Variants in PRSS38 observed in about 807,000 individuals in gnomAD.
The protein encoded by PRSS38 is marapsin 2.
Under a neutral mutation model 26.8 loss-of-function variants are expected in PRSS38, and 22 were observed. That is an observed-to-expected ratio of 0.82 (90% CI 0.59 to 1.17). The LOEUF (loss-of-function observed/expected upper bound fraction) is 1.17. Among genes scored for constraint, PRSS38 ranks in the 50% most tolerant of loss-of-function variants. PRSS38 has a pLI of 0.00. For missense variants in PRSS38, 427 were observed against 422.7 expected (o/e 1.01, Z -0.09); for synonymous variants, 175 against 172.1 (o/e 1.02, Z -0.13).
intron 3 of PRSS38, among the ~76,000 whole-genome samples, chr1:227,825,274 C>T (rs1253838883): frequency 6.6e-6 from 1 of 152,176 alleles, no homozygotes; most frequent in Non-Finnish European, 1.5e-5. Flanking sequence ...TCACTGCAAC[C>T]TCCAACTCCC....
intron 3 of PRSS38, among the ~76,000 whole-genome samples, chr1:227,838,374 C>T (rs1444937276): frequency 1.3e-5 from 2 of 152,222 alleles, no homozygotes; most frequent in African/African-American, 4.8e-5. Flanking sequence ...CCCGCTGGGC[C>T]TGTGGTGCTG....
Position 227,845,463 on chromosome 1 carries a change from C to G in PRSS38, c.584-7C>G. The G allele has an allele frequency of 6.2e-7, 1 of 1,607,000 alleles. No individual in the cohort carries two copies. The highest frequency in any genetic ancestry group is 8.5e-7 in the Non-Finnish European group (1 of 1,178,018). On this transcript the variant is annotated splice_region_variant and splice_polypyrimidine_tract_variant and intron_variant, in intron 3 of 4. Coordinates refer to ENST00000366757, the Ensembl canonical transcript of PRSS38. ...GCTGCCCCCTCACGGGAGCCCTCCT[C>G]CCACAGGTGAGACCTCAGACGAGCT... is the stretch of plus-strand genomic sequence containing the variant.
chr1:227,844,672 G>T (rs1237401349), intron 3 of PRSS38, among the ~76,000 whole-genome samples: 2 of 138,102 alleles, frequency 1.4e-5, no homozygotes, highest in Admixed American at 1.4e-4. Flanking sequence ...TCCTCCCTAT[G>T]TGTGGTCAGG....
Position 227,834,844 on chromosome 1 carries a change from T to G in PRSS38, c.584-10626T>G, listed in dbSNP as rs117999946. ...CCTAAATTGTCTCAAAAAAAATTGATAAATTGGGCTTCATTGAAATTAAAA... is the reference window on the plus strand; with the variant it reads ...CCTAAATTGTCTCAAAAAAAATTGAGAAATTGGGCTTCATTGAAATTAAAA... On this transcript the variant is annotated intron_variant, in intron 3 of 4. Coordinates refer to ENST00000366757, the Ensembl canonical transcript of PRSS38. Among the ~76,000 whole-genome samples the G allele has an allele frequency of 4.6e-3, 701 of 152,238 alleles. 12 individuals carry two copies. In the South Asian group the frequency reaches 0.058, roughly 13 times the overall value.
In PRSS38 at chr1:227,815,798, C is replaced by T. The variant is rs746007347; in HGVS notation, c.82C>T (p.Pro28Ser). ...GCTGCTGCTCCTGGTGGTGGCCCCT[C>T]CCCGGGTCGCAGCATTGGTCCACAG... The change falls in exon 1 of 5, where the codon CCC becomes TCC. Residue 28 changes from proline to serine, a missense_variant. Transcript: ENST00000366757. 3.1e-6 allele frequency: 5 copies of T among 1,612,320 alleles called. No homozygotes were observed. The highest frequency in any genetic ancestry group is 4.2e-6 in the Non-Finnish European group (5 of 1,179,082).
At chr1:227,835,883 G>A (rs958481039) in intron 3 of PRSS38, among the ~76,000 whole-genome samples, 2 of 152,160 alleles carry the variant, frequency 1.3e-5, no homozygotes, top group African/African-American at 4.8e-5. Flanking sequence ...TGTACTAAAT[G>A]CCACTGATTT....
exon 5 of PRSS38, chr1:227,846,088 G>C: frequency 6.2e-7 from 1 of 1,614,194 alleles, no homozygotes; most frequent in Non-Finnish European, 8.5e-7. Flanking sequence ...TCTCAAAATG[G>C]ATATGTGATA....
At chr1:227,845,865 C>T (rs1665422431) in intron 4 of PRSS38, 89 bp from the exon 5 acceptor site, 2 of 1,539,438 alleles carry the variant, frequency 1.3e-6, no homozygotes, top group Admixed American at 3.5e-5. Context: ...AGGGTCTGCA[C>T]AGCCACCCCC....
chr1:227,817,774 C>A (rs1321047074), intron 3 of PRSS38, among the ~76,000 whole-genome samples: 2 of 152,226 alleles, frequency 1.3e-5, no homozygotes. Flanking sequence ...ATTTAGAAAT[C>A]TCTTTTAGCT....
rs1572078554 is a variant in PRSS38, at chr1:227,816,324, A to G, written c.311+72A>G. 2.1e-6 allele frequency: 3 copies of G among 1,456,132 alleles called. No homozygotes were observed. Among genetic ancestry groups the G allele is most frequent in the Non-Finnish European group, 1.9e-6 (2 of 1,067,246 alleles). 90.2% of individuals were successfully genotyped at this position (1,456,132 alleles called of 1,614,324 possible). ...GGAGTGCCCACAGCGGCTTGGATGGACCCCACGCAAGCCTCCCCCATCACC... is the reference window on the plus strand; with the variant it reads ...GGAGTGCCCACAGCGGCTTGGATGGGCCCCACGCAAGCCTCCCCCATCACC... On this transcript the variant is annotated intron_variant, in intron 2 of 4. Coordinates refer to ENST00000366757, the Ensembl canonical transcript of PRSS38. This position sits in a 1 kb window ranked among gnomAD's most constrained non-coding sequence, Gnocchi z 5.1.
intron 3 of PRSS38, among the ~76,000 whole-genome samples, chr1:227,820,193 G>GT (rs776715287): frequency 1.5e-4 from 21 of 137,342 alleles, no homozygotes; most frequent in South Asian, 2.3e-4. Context: ...TAGTAGTTTT[G>GT]TTTTTTTTTT....
intron 3 of PRSS38, among the ~76,000 whole-genome samples, chr1:227,834,851 G>A (rs1255155337): frequency 6.6e-6 from 1 of 152,032 alleles, no homozygotes; most frequent in African/African-American, 2.4e-5. Context: ...TGATAAATTG[G>A]GCTTCATTGA....
intron 3 of PRSS38, among the ~76,000 whole-genome samples, chr1:227,835,961 G>T (rs1665232630): frequency 6.6e-6 from 1 of 152,182 alleles, no homozygotes; most frequent in African/African-American, 2.4e-5. Flanking sequence ...GTGCTGTCCA[G>T]GTGTGGTGGC....
At chr1:227,823,878 C>T (rs1347321558) in intron 3 of PRSS38, among the ~76,000 whole-genome samples, 1 of 152,098 alleles carries the variant, frequency 6.6e-6, no homozygotes, top group Non-Finnish European at 1.5e-5. Flanking sequence ...AGACTAATAG[C>T]CGTATTTTTG....
intron 4 of PRSS38, 120 bp from the exon 5 acceptor site, chr1:227,845,834 G>T: frequency 7.1e-7 from 1 of 1,401,730 alleles, no homozygotes; most frequent in Non-Finnish European, 9.7e-7. Flanking sequence ...GGGTGAGAGG[G>T]GGGCACTGGC....
At chr1:227,826,992 G>A (rs369544607) in intron 3 of PRSS38, among the ~76,000 whole-genome samples, 38 of 152,288 alleles carry the variant, frequency 2.5e-4, no homozygotes, top group Non-Finnish European at 3.8e-4. Context: ...ATTGACTTGC[G>A]TATGTCGAAT....
intron 3 of PRSS38, among the ~76,000 whole-genome samples, chr1:227,844,130 C>T (rs1044027338): frequency 7.2e-5 from 11 of 152,206 alleles, no homozygotes; most frequent in African/African-American, 1.2e-4. Context: ...CTTTTATAAT[C>T]GTTTCTTTTT....
intron 3 of PRSS38, among the ~76,000 whole-genome samples, chr1:227,831,404 T>A (rs1159192099): frequency 1.3e-5 from 2 of 152,206 alleles, no homozygotes; most frequent in Non-Finnish European, 2.9e-5. Flanking sequence ...CTTTTTGAAC[T>A]TATGGAGACA....
exon 3 of PRSS38, chr1:227,817,210 G>T: frequency 6.2e-7 from 1 of 1,612,490 alleles, no homozygotes; most frequent in Non-Finnish European, 8.5e-7. Context: ...CCCCCACAGG[G>T]ACAAGAATAT....
Sources: gnomAD v4.1 joint callset for allele counts (sites outside exome capture counted in the v4.1 genomes callset) on GRCh38, gnomAD v4.1.1 for gene constraint, Gnocchi (gnomAD v3.1) non-coding constraint, MANE v1.5 for transcripts, NCBI Gene and HGNC (gene_info 2026-07-23, HGNC 2026-07-21) for gene names.